The following IL1RAPL2 variants were observed in gnomAD, a reference collection of about 807,000 sequenced individuals.
IL1RAPL2 encodes the protein X-linked interleukin-1 receptor accessory protein-like 2.
IL1RAPL2 carries 3 observed loss-of-function variants against 44.1 expected under a neutral mutation model. The observed-to-expected ratio is 0.07, with a 90% CI of 0.03 to 0.18. IL1RAPL2 has a LOEUF of 0.18. Ranked by LOEUF, IL1RAPL2 falls within the 10% of genes least tolerant of loss-of-function variation. IL1RAPL2 has a pLI of 1.00. For synonymous variants in IL1RAPL2, 181 were observed against 178.8 expected (o/e 1.01, Z -0.10); for missense variants, 391 against 496.4 (o/e 0.79, Z 2.02).
intron 2 of IL1RAPL2, among the ~76,000 whole-genome samples, chrX:105,067,307 T>A (rs6523812): frequency 9.1e-6 from 1 of 109,895 alleles, no homozygotes; most frequent in Admixed American, 9.7e-5. Flanking sequence ...TTTCCACCTA[T>A]GCTGGAGGCT....
intron 3 of IL1RAPL2, among the ~76,000 whole-genome samples, chrX:105,198,362 G>A (rs188206917): frequency 8.9e-6 from 1 of 111,734 alleles, no homozygotes; most frequent in East Asian, 2.8e-4. Context: ...CCCTATTGAT[G>A]AGTATACACT....
At chrX:105,668,517 A>C (rs1317104763) in intron 6 of IL1RAPL2, among the ~76,000 whole-genome samples, 1 of 112,766 alleles carries the variant, frequency 8.9e-6, no homozygotes, top group Non-Finnish European at 1.9e-5. Context: ...GACCTTTGGG[A>C]GCCCAATCAA....
chrX:105,317,975 C>CT (rs1325199376), intron 5 of IL1RAPL2, among the ~76,000 whole-genome samples: 4 of 103,951 alleles, frequency 3.8e-5, no homozygotes, highest in African/African-American at 1.4e-4. Context: ...CTTTCTTCTT[C>CT]TTTTTTTTTT....
At chrX:105,614,801 A>G (rs934465712) in intron 6 of IL1RAPL2, among the ~76,000 whole-genome samples, 1 of 111,899 alleles carries the variant, frequency 8.9e-6, no homozygotes, top group African/African-American at 3.2e-5. Flanking sequence ...CCACAAACAC[A>G]GGCAACTAAA....
intron 2 of IL1RAPL2, among the ~76,000 whole-genome samples, chrX:105,027,378 AAG>A (rs1318087452): frequency 8.9e-6 from 1 of 111,805 alleles, no homozygotes; most frequent in Non-Finnish European, 1.9e-5. Context: ...CGTCAAAGTG[AAG>A]AGACAACCCA....
In IL1RAPL2 at chrX:105,583,786, G is replaced by T. The variant is rs188567702; in HGVS notation, c.772+99399G>T. ...TCTCTCATTCTTTGTTCTTACTTGG[G>T]GTTTACTTTATTTTTCTTTTACTAG... On this transcript the variant is annotated intron_variant, in intron 6 of 10. Transcript: ENST00000372582. 2.9e-3 allele frequency among the ~76,000 whole-genome samples: 321 copies of T among 110,818 alleles called. 3 individuals are homozygous for T. Among genetic ancestry groups the T allele is most frequent in the African/African-American group, 9.8e-3 (298 of 30,537 alleles).
intron 6 of IL1RAPL2, among the ~76,000 whole-genome samples, chrX:105,634,716 G>A (rs758291344): frequency 1.9e-4 from 21 of 111,585 alleles, no homozygotes; most frequent in Non-Finnish European, 3.2e-4. Context: ...TAATTGCTCT[G>A]GAGTTCCAAG....
chrX:105,368,448 C>G (rs866726217), intron 5 of IL1RAPL2, among the ~76,000 whole-genome samples: 7 of 111,725 alleles, frequency 6.3e-5, no homozygotes, highest in Middle Eastern at 4.7e-3. Context: ...GATTAAGACA[C>G]TGGGTATAGT....
intron 5 of IL1RAPL2, among the ~76,000 whole-genome samples, chrX:105,428,893 AT>A (rs777656885): frequency 9.0e-6 from 1 of 110,842 alleles, no homozygotes; most frequent in African/African-American, 3.3e-5. Flanking sequence ...CTATGCTTGT[AT>A]TTTTTTCCCC....
intron 3 of IL1RAPL2, among the ~76,000 whole-genome samples, chrX:105,208,428 T>C (rs1484440961): frequency 8.9e-6 from 1 of 111,819 alleles, no homozygotes; most frequent in Non-Finnish European, 1.9e-5. Context: ...TAGCATGTAC[T>C]CCAACCAGTT....
intron 6 of IL1RAPL2, among the ~76,000 whole-genome samples, chrX:105,542,732 A>T (rs5916925): frequency 0.047 from 1,900 of 40,633 alleles, 23 homozygotes; most frequent in Non-Finnish European, 0.077. Flanking sequence ...TATTTATTTA[A>T]TTTATTATTT....
At chrX:105,495,195 T>G (rs2036348756) in intron 6 of IL1RAPL2, among the ~76,000 whole-genome samples, 1 of 112,083 alleles carries the variant, frequency 8.9e-6, no homozygotes, top group South Asian at 3.7e-4. Flanking sequence ...AAGTAAAGTT[T>G]GAAAGAACTG....
chrX:104,914,044 C>G (rs918262086), intron 2 of IL1RAPL2, among the ~76,000 whole-genome samples: 1 of 111,315 alleles, frequency 9.0e-6, no homozygotes, highest in Admixed American at 9.6e-5. Flanking sequence ...ACCAGAGCAG[C>G]GTTTCTCTAA....
intron 5 of IL1RAPL2, among the ~76,000 whole-genome samples, chrX:105,435,444 G>T (rs903084002): frequency 9.0e-6 from 1 of 111,538 alleles, no homozygotes; most frequent in Non-Finnish European, 1.9e-5. Flanking sequence ...AGTATTGGTG[G>T]GAAAGTAAAT....
intron 2 of IL1RAPL2, among the ~76,000 whole-genome samples, chrX:105,080,002 G>T (rs1345064295): frequency 8.9e-6 from 1 of 112,255 alleles, no homozygotes; most frequent in Non-Finnish European, 1.9e-5. Flanking sequence ...ATCATCTTTT[G>T]AGAAGTGTCT....
rs899968235 is a variant in IL1RAPL2, at chrX:104,912,124, C to T, written c.82+253129C>T. On this transcript the variant is annotated intron_variant, in intron 2 of 10. Coordinates refer to ENST00000372582, the MANE Select transcript of IL1RAPL2 (RefSeq NM_017416.2). ...TTGTCCTTCTATCTTTTATCAGCTG[C>T]AGGTGGACAGGGATTTTTTTTTTTC... 2.3e-4 allele frequency among the ~76,000 whole-genome samples: 18 copies of T among 79,957 alleles called. 1 individual carries two copies. In the Middle Eastern group the frequency reaches 0.027, roughly 122 times the overall value. The allele number at this position is 79,957 out of a possible 115,157, so 69.4% of individuals were successfully genotyped here.
intron 2 of IL1RAPL2, among the ~76,000 whole-genome samples, chrX:104,950,862 C>T (rs1390933637): frequency 9.0e-6 from 1 of 111,062 alleles, no homozygotes; most frequent in Non-Finnish European, 1.9e-5. Context: ...CGCCCGCCAC[C>T]TCGCCCGGCT....
rs1367905244 is a variant in IL1RAPL2 at position 104,826,384 on chromosome X, C to G, written c.82+167389C>G. Among the ~76,000 whole-genome samples, 3 of 111,795 alleles carry G rather than the reference C, an allele frequency of 2.7e-5. No homozygotes were observed. In the East Asian group the frequency reaches 8.4e-4, roughly 31 times the overall value. On this transcript the variant is annotated intron_variant, in intron 2 of 10. Coordinates refer to ENST00000372582, the MANE Select transcript of IL1RAPL2 (RefSeq NM_017416.2). ...TTTCATTATTTACCCGGTAGTCATT[C>G]AGGAGCAGGTTGTTCAGTTTCCAAC... is the stretch of plus-strand genomic sequence containing the variant.
intron 6 of IL1RAPL2, among the ~76,000 whole-genome samples, chrX:105,682,516 T>C (rs972912398): frequency 2.7e-5 from 3 of 111,829 alleles, no homozygotes; most frequent in Admixed American, 9.6e-5. Context: ...TATACTGCTG[T>C]CATCTAATAT....
Sources: gnomAD v4.1 joint callset for allele counts (sites outside exome capture counted in the v4.1 genomes callset) on GRCh38, gnomAD v4.1.1 for gene constraint, MANE v1.5 for transcripts, NCBI Gene and HGNC (gene_info 2026-07-23, HGNC 2026-07-21) for gene names.